HHAT: variants seen among roughly 807,000 people sequenced by gnomAD.
HHAT encodes the protein hedgehog acyltransferase.
In HHAT, 47 loss-of-function variants were observed where a neutral mutation model predicts 70.8. The observed-to-expected ratio is 0.66, with a 90% confidence interval of 0.53 to 0.85. The LOEUF is 0.85. Ranked by LOEUF, HHAT falls within the 40% of genes least tolerant of loss-of-function variation. HHAT has a pLI of 0.00. For missense variants in HHAT, 609 were observed against 604.8 expected (o/e 1.01, Z -0.07); for synonymous variants, 228 against 247.6 (o/e 0.92, Z 0.74).
chr1:210,530,968 G>A (rs2095308860), intron 9 of HHAT, among the ~76,000 whole-genome samples: 1 of 152,136 alleles, frequency 6.6e-6, no homozygotes, highest in African/African-American at 2.4e-5. Context: ...TAACAACAAG[G>A]ATACATTCTG....
At chr1:210,629,588 A>G (rs1380580419) in intron 11 of HHAT, among the ~76,000 whole-genome samples, 11 of 152,236 alleles carry the variant, frequency 7.2e-5, no homozygotes, top group Admixed American at 7.2e-4. Flanking sequence ...GAAGTTTGAA[A>G]TCAGTCTCAC....
At chr1:210,484,466 T>C (rs1210142687) in intron 8 of HHAT, among the ~76,000 whole-genome samples, 1 of 150,962 alleles carries the variant, frequency 6.6e-6, no homozygotes, top group Non-Finnish European at 1.5e-5. Context: ...ATGAATTTTG[T>C]CTGATTTATC....
intron 1 of HHAT, among the ~76,000 whole-genome samples, chr1:210,343,893 A>G (rs2086259741): frequency 6.6e-6 from 1 of 152,202 alleles, no homozygotes; most frequent in African/African-American, 2.4e-5. Context: ...AGTGAAATTC[A>G]CTAACTAGTA....
intron 11 of HHAT, among the ~76,000 whole-genome samples, chr1:210,632,241 T>C (rs1367128334): frequency 6.6e-6 from 1 of 152,218 alleles, no homozygotes; most frequent in Non-Finnish European, 1.5e-5. Flanking sequence ...ATAGGGTCTT[T>C]ATAGAAGTGA....
chr1:210,500,628 T>C (rs1233790652), intron 8 of HHAT, among the ~76,000 whole-genome samples: 2 of 152,192 alleles, frequency 1.3e-5, no homozygotes, highest in Non-Finnish European at 2.9e-5. Context: ...GTAGTGTGGT[T>C]GTCAAGGGCA....
At chr1:210,489,712 C>T (rs1184023985) in intron 8 of HHAT, among the ~76,000 whole-genome samples, 1 of 152,174 alleles carries the variant, frequency 6.6e-6, no homozygotes, top group African/African-American at 2.4e-5. Flanking sequence ...GTAGGTTAGG[C>T]TTCCTACATG....
chr1:210,408,750 C>T (rs576515481), intron 6 of HHAT, among the ~76,000 whole-genome samples: 15 of 152,320 alleles, frequency 9.8e-5, no homozygotes, highest in Non-Finnish European at 2.2e-4. Flanking sequence ...GTCAATGTCC[C>T]AGAAGCTTTG....
intron 8 of HHAT, among the ~76,000 whole-genome samples, chr1:210,502,499 G>T (rs2094777859): frequency 6.6e-6 from 1 of 151,252 alleles, no homozygotes; most frequent in Admixed American, 6.6e-5. Flanking sequence ...TGAATTTTTA[G>T]TGAGGCAATC....
intron 8 of HHAT, among the ~76,000 whole-genome samples, chr1:210,495,461 A>T (rs1017610515): frequency 7.2e-5 from 11 of 152,072 alleles, no homozygotes; most frequent in African/African-American, 2.7e-4. Context: ...TTTTTGACTC[A>T]TCGGGAAAGT....
chr1:210,576,351 T>C (rs999977928), intron 9 of HHAT, among the ~76,000 whole-genome samples: 7 of 152,060 alleles, frequency 4.6e-5, no homozygotes, highest in African/African-American at 1.2e-4. Context: ...TTTGGACATA[T>C]GCATGCACCC....
chr1:210,386,305 T>A (rs368731495), intron 3 of HHAT, among the ~76,000 whole-genome samples: 27 of 137,264 alleles, frequency 2.0e-4, no homozygotes, highest in African/African-American at 7.3e-4. Flanking sequence ...GTGGCGGGAT[T>A]TCGGCTCACT....
chr1:210,623,760 G>A, intron 11 of HHAT, 90 bp downstream of exon 11: 1 of 1,348,444 alleles, frequency 7.4e-7, no homozygotes, highest in Non-Finnish European at 1.0e-6. Flanking sequence ...GGATTTGGGG[G>A]AAGTCATTCA....
chr1:210,481,771 A>G (rs991610975), intron 8 of HHAT, among the ~76,000 whole-genome samples: 2 of 152,250 alleles, frequency 1.3e-5, no homozygotes, highest in African/African-American at 4.8e-5. Flanking sequence ...TTGCAAATAC[A>G]CAATTTGTGA....
chr1:210,403,742 A>G (rs1184591881), intron 5 of HHAT, among the ~76,000 whole-genome samples: 1 of 152,250 alleles, frequency 6.6e-6, no homozygotes, highest in Non-Finnish European at 1.5e-5. Flanking sequence ...TGGAAAATGT[A>G]GAAAAATATA....
chr1:210,575,213 T>C (rs1657377999), intron 9 of HHAT, among the ~76,000 whole-genome samples: 1 of 152,162 alleles, frequency 6.6e-6, no homozygotes, highest in Non-Finnish European at 1.5e-5. Flanking sequence ...TATTGGCCCC[T>C]TTACTTCTGG....
chr1:210,340,271 C>G (rs1283006479), intron 1 of HHAT, among the ~76,000 whole-genome samples: 1 of 107,578 alleles, frequency 9.3e-6, no homozygotes, highest in African/African-American at 3.3e-5. Flanking sequence ...AAAAAAAAGA[C>G]TCAAGTGGGG....
At chr1:210,380,654 G>T (rs963419517) in intron 3 of HHAT, among the ~76,000 whole-genome samples, 2 of 152,182 alleles carry the variant, frequency 1.3e-5, no homozygotes, top group Non-Finnish European at 2.9e-5. Flanking sequence ...CCGAGTCCAG[G>T]CTGAATGGAT....
intron 11 of HHAT, among the ~76,000 whole-genome samples, chr1:210,630,372 A>AC (rs1198004962): frequency 2.0e-5 from 3 of 151,864 alleles, no homozygotes; most frequent in African/African-American, 7.3e-5. Context: ...GGTGCAGAAC[A>AC]CCCCTTGGTG....
chr1:210,508,143 G>A (rs568932212), intron 8 of HHAT, among the ~76,000 whole-genome samples: 6 of 144,596 alleles, frequency 4.1e-5, no homozygotes, highest in East Asian at 2.1e-4. Flanking sequence ...AGGTTGCAGC[G>A]AGCCGAGATC....
Sources: allele counts gnomAD v4.1 joint callset (sites outside exome capture counted in the v4.1 genomes callset), GRCh38; gene constraint gnomAD v4.1.1; transcripts MANE v1.5; gene names NCBI Gene and HGNC (gene_info 2026-07-23, HGNC 2026-07-21).